Variants in DNAJC15 observed in about 807,000 individuals in gnomAD.
DNAJC15 encodes dnaJ homolog subfamily C member 15.
In DNAJC15, 27 loss-of-function variants were observed where a neutral mutation model predicts 22.4. That is an observed-to-expected ratio of 1.20 (90% CI 0.89 to 1.66). DNAJC15 has a LOEUF of 1.66. Ranked by LOEUF, DNAJC15 falls within the 40% of genes most tolerant of loss-of-function variation. The pLI is 0.00. For missense variants in DNAJC15, 208 were observed against 187.1 expected, an observed-to-expected ratio of 1.11 and a Z score of -0.65; for synonymous variants, 79 against 63.2, an observed-to-expected ratio of 1.25 and a Z score of -1.19.
At chr13:43,025,911 A>G (rs2040378721) in intron 1 of DNAJC15, among the ~76,000 whole-genome samples, 1 of 152,264 alleles carries the variant, frequency 6.6e-6, no homozygotes, top group South Asian at 2.1e-4. Flanking sequence ...CTCAAAAAAA[A>G]GAAAATAACA....
chr13:43,107,530 C>A lies in DNAJC15; in HGVS notation c.*282C>A, dbSNP rs1593335327. 1.4e-5 allele frequency: 1 copy of A among 71,706 alleles called. No individual in the cohort carries two copies. The highest frequency in any genetic ancestry group is 4.6e-4 in the South Asian group (1 of 2,162). 4.4% of individuals were successfully genotyped at this position (71,706 alleles called of 1,614,324 possible). A position where few individuals can be genotyped will look rare whatever the true frequency, so the allele number is the denominator to read the frequency against. ...TATGTTCTGAATTCCCCCCTACACA[C>A]ACACACACACACACACACACACACA... is the stretch of plus-strand genomic sequence containing the variant. On this transcript the variant is annotated 3_prime_UTR_variant, in exon 6 of 6. Coordinates refer to ENST00000379221, the MANE Select transcript of DNAJC15 (RefSeq NM_013238.3).
chr13:43,040,534 A>G (rs1451510332), intron 1 of DNAJC15, among the ~76,000 whole-genome samples: 1 of 152,176 alleles, frequency 6.6e-6, no homozygotes, highest in East Asian at 1.9e-4. Context: ...TGTTTTTAAC[A>G]TATTCTATAT....
At chr13:43,101,994 GGAATCTACATACTATTTTCCGTA>G (rs1593333064) in intron 5 of DNAJC15, among the ~76,000 whole-genome samples, 1 of 152,252 alleles carries the variant, frequency 6.6e-6, no homozygotes, top group East Asian at 1.9e-4. Flanking sequence ...AGTTCTTTAA[GGAATCTACATACTATTTTCCGTA>G]GTGGTTATAC....
rs567011907 is a variant in DNAJC15, at chr13:43,094,579, A to G, written c.382+8741A>G. Among the ~76,000 whole-genome samples, 48 of 152,274 alleles carry G rather than the reference A, an allele frequency of 3.2e-4. No homozygotes were observed. The South Asian group carries it at 4.8e-3, about 15-fold the overall frequency. ...TCTCCTTAGCATTTTGAAACTTCCAAAAACTTTACTATGCTTTTCAGAAGC... is the reference window on the plus strand; with the variant it reads ...TCTCCTTAGCATTTTGAAACTTCCAGAAACTTTACTATGCTTTTCAGAAGC... On this transcript the variant is annotated intron_variant, in intron 5 of 5. Coordinates refer to ENST00000379221, the MANE Select transcript of DNAJC15 (RefSeq NM_013238.3).
At chr13:43,088,258 A>G (rs1013202764) in intron 5 of DNAJC15, among the ~76,000 whole-genome samples, 6 of 152,230 alleles carry the variant, frequency 3.9e-5, no homozygotes, top group Non-Finnish European at 8.8e-5. Flanking sequence ...ATGTAAAAGT[A>G]TTGGTCCACT....
At chr13:43,097,897 A>G (rs1375723524) in intron 5 of DNAJC15, among the ~76,000 whole-genome samples, 1 of 152,204 alleles carries the variant, frequency 6.6e-6, no homozygotes, top group Non-Finnish European at 1.5e-5. Flanking sequence ...AGATCTAGCC[A>G]TTGCACTCTA....
At chr13:43,104,182 T>C (rs528108693) in intron 5 of DNAJC15, among the ~76,000 whole-genome samples, 6 of 152,272 alleles carry the variant, frequency 3.9e-5, no homozygotes, top group African/African-American at 1.4e-4. Flanking sequence ...AAAGGTTCCT[T>C]TTTGCCCCTT....
At chr13:43,078,811 T>C (rs1009132773) in intron 4 of DNAJC15, 123 bp downstream of exon 4, 12 of 726,198 alleles carry the variant, frequency 1.7e-5, no homozygotes, top group Non-Finnish European at 2.5e-5. Context: ...GGAGAAAATA[T>C]CAAATTTTTA....
Position 43,107,372 on chromosome 13 carries a change from C to A in DNAJC15, c.*124C>A. 2 of 639,598 alleles carry A rather than the reference C, an allele frequency of 3.1e-6. No homozygotes were observed. Among genetic ancestry groups the A allele is most frequent in the Non-Finnish European group, 4.8e-6 (2 of 417,368 alleles). 39.6% of individuals were successfully genotyped at this position (639,598 alleles called of 1,614,324 possible). A position where few individuals can be genotyped will look rare whatever the true frequency, so the allele number is the denominator to read the frequency against. ...ATGGATTGACCACAGTCTTATCTTC[C>A]ACCATTAAGCTGTATAACAATAAAA... On this transcript the variant is annotated 3_prime_UTR_variant, in exon 6 of 6. Coordinates refer to ENST00000379221, the MANE Select transcript of DNAJC15 (RefSeq NM_013238.3).
chr13:43,044,499 CAGTT>C (rs1458998611), intron 1 of DNAJC15, among the ~76,000 whole-genome samples: 10 of 152,152 alleles, frequency 6.6e-5, no homozygotes, highest in South Asian at 6.2e-4. Context: ...CAGCAAAAGG[CAGTT>C]AGTGTCATTC....
intron 1 of DNAJC15, among the ~76,000 whole-genome samples, chr13:43,040,679 C>G (rs1019093705): frequency 1.3e-5 from 2 of 151,938 alleles, no homozygotes. Context: ...GTTCAGCATA[C>G]GGAGGATCTC....
chr13:43,103,811 G>A (rs2040782668), intron 5 of DNAJC15, among the ~76,000 whole-genome samples: 1 of 151,972 alleles, frequency 6.6e-6, no homozygotes. Context: ...ATATTTTGAG[G>A]CTATCTTATT....
chr13:43,067,823 A>G (rs2040590870), intron 2 of DNAJC15, among the ~76,000 whole-genome samples: 1 of 152,180 alleles, frequency 6.6e-6, no homozygotes, highest in South Asian at 2.1e-4. Flanking sequence ...GGTAATATAA[A>G]AGCTACATTT....
intron 1 of DNAJC15, among the ~76,000 whole-genome samples, chr13:43,050,584 A>G (rs1279815642): frequency 6.7e-6 from 1 of 149,598 alleles, no homozygotes; most frequent in East Asian, 1.9e-4. Context: ...TCAGATTACA[A>G]AATATGATTG....
In DNAJC15 at chr13:43,023,650, T is replaced by C. The variant is rs1367411792; in HGVS notation, c.24T>C (p.Ala8=). ...CCATGGCTGCCCGTGGTGTCATCGCTCCAGTTGGCGAGAGTTTGCGCTACG... is the reference window on the plus strand; with the variant it reads ...CCATGGCTGCCCGTGGTGTCATCGCCCCAGTTGGCGAGAGTTTGCGCTACG... The part of the protein sequence containing the change: MAARGVI[A]PVGESLRYAE... Residue 8 remains alanine, a synonymous_variant, in exon 1 of 6, where the codon GCT becomes GCC. Transcript: ENST00000379221. 13 of 1,612,160 alleles carry C rather than the reference T, an allele frequency of 8.1e-6. No individual in the cohort carries two copies. The African/African-American group carries it at 1.5e-4, about 18-fold the overall frequency.
At chr13:43,072,538 T>C (rs2040613814) in intron 3 of DNAJC15, among the ~76,000 whole-genome samples, 1 of 152,140 alleles carries the variant, frequency 6.6e-6, no homozygotes, top group African/African-American at 2.4e-5. Context: ...TTTAGCAATG[T>C]CTATTCTGTT....
chr13:43,034,505 C>CG (rs371267577), intron 1 of DNAJC15, among the ~76,000 whole-genome samples: 1,850 of 150,926 alleles, frequency 0.012, 45 homozygotes, highest in South Asian at 0.1. Context: ...TTAGTAGAGA[C>CG]GGGGTTTCCC....
At chr13:43,025,209 G>T (rs1235345475) in intron 1 of DNAJC15, among the ~76,000 whole-genome samples, 2 of 152,160 alleles carry the variant, frequency 1.3e-5, no homozygotes, top group African/African-American at 4.8e-5. Context: ...AGGATTTCTG[G>T]ATATAGTATT....
At chr13:43,050,057 T>A (rs2040495676) in intron 1 of DNAJC15, among the ~76,000 whole-genome samples, 1 of 152,194 alleles carries the variant, frequency 6.6e-6, no homozygotes, top group South Asian at 2.1e-4. Context: ...TAGCTGGGGC[T>A]ACAGGCACCT....
Sources: allele counts gnomAD v4.1 joint callset (sites outside exome capture counted in the v4.1 genomes callset), GRCh38; gene constraint gnomAD v4.1.1; transcripts MANE v1.5; gene names NCBI Gene and HGNC (gene_info 2026-07-23, HGNC 2026-07-21).